Variants in YLPM1 observed in about 807,000 individuals in gnomAD.
YLPM1 encodes the protein YLP motif containing 1, also known as YLP motif-containing protein 1.
YLPM1 carries 99 observed loss-of-function variants against 230.0 expected under a neutral mutation model. That is an observed-to-expected ratio of 0.43 (90% CI 0.37 to 0.51). The LOEUF is 0.51. Ranked by LOEUF, YLPM1 falls within the 20% of genes least tolerant of loss-of-function variation. The pLI is 0.00. For missense variants in YLPM1, 2,592 were observed against 2,707.7 expected (o/e 0.96, Z 0.95); for synonymous variants, 984 against 942.5 (o/e 1.04, Z -0.81).
In YLPM1 at chr14:74,764,068, G is replaced by T; in HGVS notation, c.579G>T (p.Gln193His). 1 of 1,610,904 alleles carries T rather than the reference G, an allele frequency of 6.2e-7. No homozygotes were observed. ...YLPPAQPSPS[Q>H]SPPSQSYLAP... ...CTCCTGCTCAGCCGTCCCCTTCGCA[G>T]TCCCCACCTTCCCAATCCTACCTGG... is the stretch of plus-strand genomic sequence containing the variant. The change falls in exon 1 of 21, where the codon CAG (glutamine) becomes CAT (histidine). Residue 193 changes from glutamine (Q) to histidine (H), a missense_variant. Gln to His is a conservative substitution (Grantham distance 24). This residue lies in a region of YLPM1 where 1,862 missense variants were observed against 1,819.8 expected (regional missense o/e 1.02). Transcript: ENST00000325680.
chr14:74,819,314 A>G lies in YLPM1; in HGVS notation c.6030+1000A>G, dbSNP rs1291686892. Among the ~76,000 whole-genome samples the G allele has an allele frequency of 3.8e-5, 5 of 131,290 alleles. No homozygotes were observed. In the South Asian group the frequency reaches 1.2e-3, roughly 31 times the overall value. The allele number at this position is 131,290 out of a possible 152,430, so 86.1% of individuals were successfully genotyped here. On this transcript the variant is annotated intron_variant, in intron 16 of 20. Transcript: ENST00000325680. ...TTTTGAGGTGGAGTCTCACTCTGTC[A>G]CCTAGATTGTAGTGCAGTGGTGTAA...
rs189719917 is a variant in YLPM1, at chr14:74,782,106, C to T, written c.2063C>T (p.Pro688Leu). The change falls in exon 4 of 21, where the codon CCG (proline) becomes CTG (leucine). Residue 688 changes from proline (P) to leucine (L), a missense_variant. Around this residue, in one of 4 missense-constraint regions of YLPM1, gnomAD observed 1,862 missense variants for 1,819.8 expected, o/e 1.02. Coordinates refer to ENST00000325680, the MANE Select transcript of YLPM1 (RefSeq NM_019589.3). ...GCCCCACCGACAACTTACCATCCTC[C>T]GTTGCAATCAGCTGGTCCATCAGAA... The part of the protein sequence containing the change: ...GSAPPTTYHP[P>L]LQSAGPSEQV... 53 of 1,613,966 alleles carry T rather than the reference C, an allele frequency of 3.3e-5. No individual in the cohort carries two copies. The highest frequency in any genetic ancestry group is 4.3e-5 in the Non-Finnish European group (51 of 1,179,880).
chr14:74,835,441 C>T lies in YLPM1; in HGVS notation c.*30C>T. On this transcript the variant is annotated 3_prime_UTR_variant, in exon 20 of 21. Transcript: ENST00000325680. ...TAGTTTTTGAACGGAGTCATTATTC[C>T]TCTAAGGTAAGAGTACACAGTCATA... The T allele has an allele frequency of 6.2e-7, 1 of 1,610,402 alleles. No individual in the cohort carries two copies. The highest frequency in any genetic ancestry group is 8.5e-7 in the Non-Finnish European group (1 of 1,177,948).
intron 6 of YLPM1, among the ~76,000 whole-genome samples, chr14:74,803,379 C>G (rs1243031003): frequency 1.3e-5 from 2 of 152,098 alleles, no homozygotes; most frequent in Non-Finnish European, 1.5e-5. Flanking sequence ...TGTTATCTTG[C>G]AGGTAGTTTT....
chr14:74,773,673 T>C (rs957258793), intron 1 of YLPM1, among the ~76,000 whole-genome samples: 15 of 151,778 alleles, frequency 9.9e-5, no homozygotes, highest in African/African-American at 3.4e-4. Context: ...ATTATTATTA[T>C]TGGCTTTGGC....
chr14:74,820,635 G>T (rs1338361747), intron 16 of YLPM1, among the ~76,000 whole-genome samples: 1 of 152,128 alleles, frequency 6.6e-6, no homozygotes, highest in Non-Finnish European at 1.5e-5. Context: ...TAACTCATCT[G>T]CTTATTTGCG....
In YLPM1 at chr14:74,791,363, C is replaced by T. The variant is rs897718997; in HGVS notation, c.2283-6217C>T. ...CAAATGGTTTCAACAATTTCTGGCC[C>T]CCAGAATGAAAATAAAATGATGGGC... is the stretch of plus-strand genomic sequence containing the variant. On this transcript the variant is annotated intron_variant, in intron 4 of 20. Transcript: ENST00000325680. 4.2e-4 allele frequency among the ~76,000 whole-genome samples: 64 copies of T among 152,104 alleles called. 1 individual carries two copies. The highest frequency in any genetic ancestry group is 1.5e-3 in the African/African-American group (63 of 41,426).
intron 18 of YLPM1, among the ~76,000 whole-genome samples, chr14:74,827,047 A>T (rs1380551274): frequency 6.6e-6 from 1 of 152,222 alleles, no homozygotes; most frequent in Non-Finnish European, 1.5e-5. Context: ...GAGTTGGAAT[A>T]TAATTATTAT....
rs553381190 is a variant in YLPM1 at position 74,811,459 on chromosome 14, G to A, written c.5229-161G>A. Reference sequence around the variant, plus strand: ...GATCACGCCACTGCATTCCAGCCTGGTTGACAAAGTAAGACCCCAATCTCA... The same window carrying A: ...GATCACGCCACTGCATTCCAGCCTGATTGACAAAGTAAGACCCCAATCTCA... On this transcript the variant is annotated intron_variant, in intron 9 of 20. Coordinates refer to ENST00000325680, the MANE Select transcript of YLPM1 (RefSeq NM_019589.3). 5.3e-5 allele frequency among the ~76,000 whole-genome samples: 8 copies of A among 151,958 alleles called. No homozygotes were observed. In the South Asian group the frequency reaches 1.7e-3, roughly 32 times the overall value.
In YLPM1 at chr14:74,771,378, C is replaced by G. The variant is rs1264149166; in HGVS notation, c.873+7016C>G. Among the ~76,000 whole-genome samples, 3 of 152,168 alleles carry G rather than the reference C, an allele frequency of 2.0e-5. No homozygotes were observed. The East Asian group carries it at 5.8e-4, about 29-fold the overall frequency. ...AGAACTGAGGTTAAAGGACATTAAG[C>G]CTAGCTCCACAAATAGCAGTATCTA... is the stretch of plus-strand genomic sequence containing the variant. On this transcript the variant is annotated intron_variant, in intron 1 of 20. Coordinates refer to ENST00000325680, the MANE Select transcript of YLPM1 (RefSeq NM_019589.3).
At position 74,764,169 on chromosome 14, in the gene YLPM1, C is replaced by G; in HGVS notation, c.680C>G (p.Ser227Cys). 2 of 1,613,614 alleles carry G rather than the reference C, an allele frequency of 1.2e-6. No homozygotes were observed. The highest frequency in any genetic ancestry group is 1.1e-5 in the South Asian group (1 of 91,060). ...YLSHSQSYLP[S>C]SQASPSRPSQ... is the part of the protein sequence containing the mutation. ...AGCCATTCCCAGTCCTACTTGCCCT[C>G]TTCTCAGGCATCTCCTTCCCGCCCC... is the stretch of plus-strand genomic sequence containing the variant. The change falls in exon 1 of 21, where the codon TCT (serine) becomes TGT (cysteine). Residue 227 changes from serine (S) to cysteine (C), a missense_variant. Physicochemically the swap from Ser to Cys is moderately radical, Grantham distance 112. This residue lies in a region of YLPM1 where 1,862 missense variants were observed against 1,819.8 expected (regional missense o/e 1.02). Coordinates refer to ENST00000325680, the MANE Select transcript of YLPM1 (RefSeq NM_019589.3).
At chr14:74,778,739 C>G in intron 2 of YLPM1, 56 bp downstream of exon 2, 5 of 1,439,222 alleles carry the variant, frequency 3.5e-6, no homozygotes, top group Non-Finnish European at 4.7e-6. Flanking sequence ...TTTTCTGATT[C>G]ATTTAGTATA....
At chr14:74,775,753 CTTTTA>C (rs535315039) in intron 1 of YLPM1, among the ~76,000 whole-genome samples, 105 of 152,210 alleles carry the variant, frequency 6.9e-4, no homozygotes, top group African/African-American at 2.5e-3. Flanking sequence ...TATAGATCAT[CTTTTA>C]TTTCATTTTT....
chr14:74,809,195 A>T (rs1594834173), intron 6 of YLPM1, among the ~76,000 whole-genome samples, 185 bp from the exon 7 acceptor site: 3 of 151,412 alleles, frequency 2.0e-5, no homozygotes, highest in Admixed American at 2.0e-4. Flanking sequence ...AGATTTGCCT[A>T]TGTTTTCTCC....
Position 74,809,508 on chromosome 14 carries a change from A to G in YLPM1, c.4650A>G (p.Pro1550=), listed in dbSNP as rs1459763923. The change falls in exon 7 of 21, where the codon CCA becomes CCG. Residue 1550 remains proline (P), a synonymous_variant. Transcript: ENST00000325680. ...CACCTGTCCCAATACCACCACCTCC[A>G]CCTCCTCCACCTCTACCTCCTCCTC... ...TRPPVPIPPP[P]PPPPLPPPPP... is the part of the protein sequence containing the mutation. 1.9e-6 allele frequency: 3 copies of G among 1,581,972 alleles called. No individual in the cohort carries two copies. The highest frequency in any genetic ancestry group is 1.8e-5 in the Admixed American group (1 of 54,320).
chr14:74,763,969 A>G lies in YLPM1; in HGVS notation c.480A>G (p.Pro160=). 1.6e-6 allele frequency: 2 copies of G among 1,257,764 alleles called. No individual in the cohort carries two copies. The highest frequency in any genetic ancestry group is 1.3e-5 in the South Asian group (1 of 75,338). The allele number at this position is 1,257,764 out of a possible 1,614,324, so 77.9% of individuals were successfully genotyped here. A position where few individuals can be genotyped will look rare whatever the true frequency, so the allele number is the denominator to read the frequency against. The change falls in exon 1 of 21, where the codon CCA becomes CCG. Residue 160 remains proline (P), a synonymous_variant. Coordinates refer to ENST00000325680, the MANE Select transcript of YLPM1 (RefSeq NM_019589.3). The part of the protein sequence containing the change: ...PPVPPGSYMP[P]SQSYMPPPQP... ...TGCCGCCTGGGTCCTATATGCCCCCATCTCAGTCTTACATGCCCCCACCTC... is the reference window on the plus strand; with the variant it reads ...TGCCGCCTGGGTCCTATATGCCCCCGTCTCAGTCTTACATGCCCCCACCTC...
intron 10 of YLPM1, 134 bp from the exon 11 acceptor site, chr14:74,812,493 CT>C: frequency 1.2e-6 from 1 of 836,452 alleles, no homozygotes; most frequent in Non-Finnish European, 1.7e-6. Context: ...TAAATTTTCT[CT>C]AATTAAAGTT....
intron 1 of YLPM1, among the ~76,000 whole-genome samples, chr14:74,774,407 T>C (rs2091011264): frequency 6.6e-6 from 1 of 151,782 alleles, no homozygotes; most frequent in African/African-American, 2.4e-5. Flanking sequence ...CTAATTTTTT[T>C]GTATTTTTTT....
At chr14:74,789,286 C>T (rs567886911) in intron 4 of YLPM1, among the ~76,000 whole-genome samples, 100 of 152,202 alleles carry the variant, frequency 6.6e-4, no homozygotes, top group South Asian at 2.3e-3. Flanking sequence ...AGTGCAGTGG[C>T]GCTCACTGCA....
Sources: allele counts gnomAD v4.1 joint callset (sites outside exome capture counted in the v4.1 genomes callset), GRCh38; gene constraint gnomAD v4.1.1; regional missense constraint gnomAD v4.1.1; transcripts MANE v1.5; gene names NCBI Gene and HGNC (gene_info 2026-07-23, HGNC 2026-07-21).